The following ZNF407 variants were observed in gnomAD, a reference collection of about 807,000 sequenced individuals.
The protein encoded by ZNF407 is zinc finger protein 407.
A neutral mutation model predicts 131.2 loss-of-function variants in ZNF407; 17 were observed. That is an observed-to-expected ratio of 0.13 (90% CI 0.09 to 0.19). ZNF407 has a LOEUF of 0.19. Among genes scored for constraint, ZNF407 ranks in the 10% least tolerant of loss-of-function variants. The pLI, the probability that ZNF407 is intolerant of heterozygous loss-of-function variation, is 1.00. For missense variants in ZNF407, 2,681 were observed against 2,830.6 expected (o/e 0.95, Z 1.20); for synonymous variants, 1,156 against 1,062.0 (o/e 1.09, Z -1.72).
chr18:74,683,455 A>G (rs766286832), intron 3 of ZNF407, among the ~76,000 whole-genome samples: 23 of 152,222 alleles, frequency 1.5e-4, no homozygotes, highest in African/African-American at 5.3e-4. Flanking sequence ...TTGACTAAAC[A>G]GGATTAGAAA....
chr18:74,612,253 A>C, intron 1 of ZNF407, among the ~76,000 whole-genome samples: 1 of 152,210 alleles, frequency 6.6e-6, no homozygotes, highest in East Asian at 1.9e-4. Context: ...CAAGTGATAC[A>C]TGCAAGACTC....
intron 4 of ZNF407, among the ~76,000 whole-genome samples, chr18:74,876,105 C>G (rs1971152384): frequency 6.6e-6 from 1 of 152,256 alleles, no homozygotes; most frequent in Middle Eastern, 3.4e-3. Flanking sequence ...GTTAAAGACT[C>G]TATGTGAAAG....
intron 3 of ZNF407, among the ~76,000 whole-genome samples, chr18:74,760,204 A>C (rs1414203369): frequency 6.6e-6 from 1 of 152,180 alleles, no homozygotes; most frequent in Non-Finnish European, 1.5e-5. Flanking sequence ...TATTTCTTCA[A>C]ATGCCTTGAA....
At chr18:74,689,684 G>T (rs1967175757) in intron 3 of ZNF407, among the ~76,000 whole-genome samples, 1 of 152,162 alleles carries the variant, frequency 6.6e-6, no homozygotes, top group South Asian at 2.1e-4. Context: ...TCCACTTCAG[G>T]ATTTCCTTTC....
At chr18:74,859,094 A>G (rs1393367323) in intron 4 of ZNF407, among the ~76,000 whole-genome samples, 1 of 152,194 alleles carries the variant, frequency 6.6e-6, no homozygotes, top group Non-Finnish European at 1.5e-5. Flanking sequence ...TACATAATAA[A>G]ATAAAAGCAA....
chr18:74,749,880 G>C (rs1416611024), intron 3 of ZNF407, among the ~76,000 whole-genome samples: 1 of 152,150 alleles, frequency 6.6e-6, no homozygotes, highest in Non-Finnish European at 1.5e-5. Context: ...AGTTATTGGA[G>C]ATGTATCTTA....
chr18:74,705,385 C>A (rs1967601116), intron 3 of ZNF407, among the ~76,000 whole-genome samples: 1 of 152,112 alleles, frequency 6.6e-6, no homozygotes, highest in Admixed American at 6.6e-5. Context: ...ATAGGACTGT[C>A]TTTGGAAATT....
intron 8 of ZNF407, among the ~76,000 whole-genome samples, chr18:74,995,973 A>G (rs190689827): frequency 1.3e-5 from 2 of 152,374 alleles, no homozygotes; most frequent in African/African-American, 4.8e-5. Context: ...ATGTGAATAC[A>G]TGGTCTTTGG....
At chr18:74,679,263 C>G (rs1022650010) in intron 3 of ZNF407, among the ~76,000 whole-genome samples, 11 of 152,314 alleles carry the variant, frequency 7.2e-5, no homozygotes, top group Middle Eastern at 3.4e-3. Flanking sequence ...TGGCATAGTC[C>G]TACTGTCCTT....
At chr18:74,978,091 G>T (rs1041218016) in intron 8 of ZNF407, among the ~76,000 whole-genome samples, 2 of 152,118 alleles carry the variant, frequency 1.3e-5, no homozygotes, top group African/African-American at 4.8e-5. Context: ...GTTGTTTAAC[G>T]TGGAGTCCTG....
chr18:74,887,969 T>A (rs2628123), intron 6 of ZNF407, among the ~76,000 whole-genome samples: 72,644 of 152,076 alleles, frequency 0.48, 19,580 homozygotes, highest in Non-Finnish European at 0.6. Context: ...GTAAGCAGTA[T>A]AAATAGACGT....
intron 8 of ZNF407, among the ~76,000 whole-genome samples, chr18:74,942,794 T>C (rs1162434670): frequency 6.6e-6 from 1 of 152,204 alleles, no homozygotes; most frequent in African/African-American, 2.4e-5. Flanking sequence ...ACTTGGCTGA[T>C]ATGCATGTGT....
intron 8 of ZNF407, among the ~76,000 whole-genome samples, chr18:75,008,185 T>G (rs1972933481): frequency 6.6e-6 from 1 of 152,072 alleles, no homozygotes; most frequent in Non-Finnish European, 1.5e-5. Flanking sequence ...ATTGCTGACC[T>G]CCGTGCAAGT....
intron 1 of ZNF407, among the ~76,000 whole-genome samples, chr18:74,616,274 G>A (rs1568315054): frequency 1.3e-5 from 2 of 152,206 alleles, no homozygotes. Flanking sequence ...TGGCAAAGGA[G>A]TTTGAAACTT....
chr18:74,743,456 T>C (rs1160325516), intron 3 of ZNF407, among the ~76,000 whole-genome samples: 2 of 152,158 alleles, frequency 1.3e-5, no homozygotes, highest in African/African-American at 4.8e-5. Context: ...ATGATGGTAA[T>C]GTCTAACTTT....
rs539634955 is a variant in ZNF407 at position 74,785,485 on chromosome 18, C to T, written c.4877+3983C>T. 1.4e-4 allele frequency among the ~76,000 whole-genome samples: 22 copies of T among 152,228 alleles called. No homozygotes were observed. In the South Asian group the frequency reaches 2.5e-3, roughly 17 times the overall value. On this transcript the variant is annotated intron_variant, in intron 4 of 8. Transcript: ENST00000299687. ...ATCTTTACCCCACCTAATGTAATTG[C>T]GGAGAGATGTCTCAGAGCCCTGATG...
chr18:74,958,856 G>A (rs990052401), intron 8 of ZNF407, among the ~76,000 whole-genome samples: 4 of 152,190 alleles, frequency 2.6e-5, no homozygotes, highest in African/African-American at 9.7e-5. Flanking sequence ...CACTGGGCAT[G>A]TGACTTCTAA....
rs370780422 is a variant in ZNF407 at position 74,781,260 on chromosome 18, C to A, written c.4803-168C>A. The stretch of plus-strand genomic sequence containing the variant: ...TTTAGATGTAGACTTCTTTTGAAGT[C>A]CTACAGTATATTTAATCTGTATGCA... On this transcript the variant is annotated intron_variant, in intron 3 of 8. Transcript: ENST00000299687. 3.9e-5 allele frequency among the ~76,000 whole-genome samples: 6 copies of A among 152,242 alleles called. No individual in the cohort carries two copies. The South Asian group carries it at 1.2e-3, about 32-fold the overall frequency.
At chr18:74,868,586 A>G (rs537691973) in intron 4 of ZNF407, among the ~76,000 whole-genome samples, 19 of 152,272 alleles carry the variant, frequency 1.2e-4, no homozygotes, top group African/African-American at 2.9e-4. Context: ...TGCTCGTCCT[A>G]TGTAGCCTGT....
Sources: allele counts gnomAD v4.1 joint callset (sites outside exome capture counted in the v4.1 genomes callset), GRCh38; gene constraint gnomAD v4.1.1; transcripts MANE v1.5; gene names NCBI Gene and HGNC (gene_info 2026-07-23, HGNC 2026-07-21).